Variants in COL25A1 observed in about 807,000 individuals in gnomAD.
COL25A1 encodes the protein collagen type XXV alpha 1 chain.
A neutral mutation model predicts 128.4 loss-of-function variants in COL25A1; 103 were observed. The ratio of observed to expected loss-of-function variants is 0.80; its 90% CI spans 0.68 to 0.94. The LOEUF (loss-of-function observed/expected upper bound fraction) is 0.94. COL25A1 is among the 40% of genes least tolerant of loss of function. The pLI is 0.00. For synonymous variants in COL25A1, 279 were observed against 277.2 expected (o/e 1.01, Z -0.06); for missense variants, 745 against 840.0 (o/e 0.89, Z 1.40).
At chr4:109,196,480 T>G (rs1350909194) in intron 3 of COL25A1, among the ~76,000 whole-genome samples, 1 of 152,168 alleles carries the variant, frequency 6.6e-6, no homozygotes. Context: ...GTTAGATGCA[T>G]TTACTCTAAT....
chr4:109,045,590 A>G (rs961395666), intron 5 of COL25A1, among the ~76,000 whole-genome samples: 1 of 152,166 alleles, frequency 6.6e-6, no homozygotes, highest in Non-Finnish European at 1.5e-5. Flanking sequence ...GAGATTTAGG[A>G]ATTGGAGGCT....
intron 3 of COL25A1, among the ~76,000 whole-genome samples, chr4:109,169,422 C>T (rs1366256673): frequency 6.6e-6 from 1 of 152,144 alleles, no homozygotes; most frequent in East Asian, 1.9e-4. Flanking sequence ...ATTCCCTTTT[C>T]CTTCACTTGC....
In COL25A1 at chr4:109,229,832, A is replaced by G. The variant is rs991486048; in HGVS notation, c.367+70751T>C. ...TATGCTGGGCTGTTCTTGCATTGCTATAAAGAAATACTTCAGATAGGGCAA... is the reference window on the plus strand; with the variant it reads ...TATGCTGGGCTGTTCTTGCATTGCTGTAAAGAAATACTTCAGATAGGGCAA... On this transcript the variant is annotated intron_variant, in intron 3 of 37. Transcript: ENST00000399132. Among the ~76,000 whole-genome samples the G allele has an allele frequency of 1.1e-4, 17 of 152,264 alleles. No individual in the cohort carries two copies. In the East Asian group the frequency reaches 3.3e-3, roughly 29 times the overall value.
At position 108,812,513 on chromosome 4, in the gene COL25A1, C is replaced by T. The variant is rs1422376838; in HGVS notation, c.*1414G>A. 2 of 152,042 alleles carry T rather than the reference C, an allele frequency of 1.3e-5. No individual in the cohort carries two copies. The highest frequency in any genetic ancestry group is 1.3e-4 in the Admixed American group (2 of 15,264). The allele number at this position is 152,042 out of a possible 1,614,324, so 9.4% of individuals were successfully genotyped here. A position where few individuals can be genotyped will look rare whatever the true frequency, so the allele number is the denominator to read the frequency against. ...AAGTGGAGCTTCTTTTATATTCTAT[C>T]CAATTATCCAAAACAAGAGAGAAGT... is the stretch of plus-strand genomic sequence containing the variant. On this transcript the variant is annotated 3_prime_UTR_variant, in exon 38 of 38. Transcript: ENST00000399132.
intron 6 of COL25A1, among the ~76,000 whole-genome samples, chr4:108,977,997 G>A (rs1421191722): frequency 1.3e-5 from 2 of 152,120 alleles, no homozygotes; most frequent in African/African-American, 4.8e-5. Context: ...CATCTTTAAG[G>A]ACAAAGTTTT....
chr4:109,052,358 G>A (rs566599565), intron 3 of COL25A1, among the ~76,000 whole-genome samples: 1 of 152,134 alleles, frequency 6.6e-6, no homozygotes, highest in Non-Finnish European at 1.5e-5. Context: ...GTCATACTGA[G>A]AATTGAAGAA....
chr4:109,263,899 T>C (rs1236202092), intron 3 of COL25A1, among the ~76,000 whole-genome samples: 1 of 152,216 alleles, frequency 6.6e-6, no homozygotes, highest in African/African-American at 2.4e-5. Context: ...CTAAATGTCC[T>C]CTATAGACCA....
chr4:108,956,594 C>T (rs545112590), intron 8 of COL25A1, among the ~76,000 whole-genome samples: 8 of 152,160 alleles, frequency 5.3e-5, no homozygotes, highest in African/African-American at 1.2e-4. Flanking sequence ...TTAGTAGAGA[C>T]GGGGTTTCAC....
intron 3 of COL25A1, among the ~76,000 whole-genome samples, chr4:109,119,154 G>A (rs1380888794): frequency 6.6e-6 from 1 of 151,898 alleles, no homozygotes; most frequent in Non-Finnish European, 1.5e-5. Context: ...TAAATATTTT[G>A]AACTAAATGA....
At chr4:109,195,715 A>C (rs1435625655) in intron 3 of COL25A1, among the ~76,000 whole-genome samples, 2 of 152,178 alleles carry the variant, frequency 1.3e-5, no homozygotes, top group African/African-American at 4.8e-5. Flanking sequence ...TACAGAAGCC[A>C]AGGAAAACAA....
chr4:108,954,614 C>T (rs187222532), intron 8 of COL25A1, among the ~76,000 whole-genome samples: 1 of 151,872 alleles, frequency 6.6e-6, no homozygotes, highest in East Asian at 1.9e-4. Context: ...GCCTTAGGTG[C>T]AATTTTGAAT....
intron 13 of COL25A1, among the ~76,000 whole-genome samples, chr4:108,904,744 A>AAAAC (rs1743259524): frequency 1.3e-5 from 2 of 152,224 alleles, no homozygotes; most frequent in South Asian, 4.1e-4. Context: ...GTAATGAAGA[A>AAAAC]AAACAGCAGC....
intron 3 of COL25A1, among the ~76,000 whole-genome samples, chr4:109,253,699 GT>G (rs1490561728): frequency 1.3e-5 from 2 of 152,220 alleles, no homozygotes; most frequent in East Asian, 3.9e-4. Flanking sequence ...AAATCTAGGT[GT>G]TTTTTCCACC....
At chr4:108,866,735 A>G (rs1479621770) in intron 20 of COL25A1, among the ~76,000 whole-genome samples, 1 of 152,198 alleles carries the variant, frequency 6.6e-6, no homozygotes, top group African/African-American at 2.4e-5. Flanking sequence ...AATAACCATG[A>G]CTTTCCCATG....
intron 8 of COL25A1, among the ~76,000 whole-genome samples, chr4:108,950,033 T>C (rs1710143105): frequency 6.6e-6 from 1 of 152,156 alleles, no homozygotes; most frequent in Admixed American, 6.5e-5. Context: ...AACAAGCAAC[T>C]TCAAATGTGG....
intron 8 of COL25A1, among the ~76,000 whole-genome samples, chr4:108,947,503 A>ATAGAG (rs1748914378): frequency 6.6e-6 from 1 of 152,088 alleles, no homozygotes; most frequent in Non-Finnish European, 1.5e-5. Flanking sequence ...ATTATGAGCC[A>ATAGAG]TAGAGATATC....
At chr4:108,937,149 A>G (rs1208632860) in intron 11 of COL25A1, among the ~76,000 whole-genome samples, 4 of 152,106 alleles carry the variant, frequency 2.6e-5, no homozygotes, top group African/African-American at 9.7e-5. Context: ...ACATCATAAC[A>G]TAGATTAGAA....
At chr4:108,935,827 G>C (rs1447471594) in intron 11 of COL25A1, among the ~76,000 whole-genome samples, 1 of 152,134 alleles carries the variant, frequency 6.6e-6, no homozygotes, top group Non-Finnish European at 1.5e-5. Context: ...ATATGTAAGA[G>C]AGAATTCCTT....
Position 108,813,888 on chromosome 4 carries a change from C to T in COL25A1, c.*39G>A, listed in dbSNP as rs767366355. 3 of 1,518,924 alleles carry T rather than the reference C, an allele frequency of 2.0e-6. No individual in the cohort carries two copies. The highest frequency in any genetic ancestry group is 2.3e-5 in the East Asian group (1 of 44,186). 94.1% of individuals were successfully genotyped at this position (1,518,924 alleles called of 1,614,324 possible). ...TCAACTATAAATATTAAAAATGGAC[C>T]CTTATATACACAACTTCATGCTTGA... is the stretch of plus-strand genomic sequence containing the variant. On this transcript the variant is annotated 3_prime_UTR_variant, in exon 38 of 38. Transcript: ENST00000399132.
Sources: allele counts gnomAD v4.1 joint callset (sites outside exome capture counted in the v4.1 genomes callset), GRCh38; gene constraint gnomAD v4.1.1; transcripts MANE v1.5; gene names NCBI Gene and HGNC (gene_info 2026-07-23, HGNC 2026-07-21).